The following PTPN2 variants were observed in gnomAD, a reference collection of about 807,000 sequenced individuals.
PTPN2 encodes the protein tyrosine-protein phosphatase non-receptor type 2.
In PTPN2, 19 loss-of-function variants were observed where a neutral mutation model predicts 57.3. The observed-to-expected ratio is 0.33, with a 90% CI of 0.23 to 0.49. The LOEUF (loss-of-function observed/expected upper bound fraction) is 0.49, where lower values mean the gene tolerates loss of function less well. PTPN2 is among the 20% of genes least tolerant of loss of function. The pLI is 0.99. For missense variants in PTPN2, 358 were observed against 501.1 expected, an observed-to-expected ratio of 0.71 and a Z score of 2.73; for synonymous variants, 153 against 164.9, an observed-to-expected ratio of 0.93 and a Z score of 0.55.
intron 2 of PTPN2, among the ~76,000 whole-genome samples, chr18:12,837,894 T>C (rs1415420780): frequency 6.6e-6 from 1 of 152,202 alleles, no homozygotes; most frequent in Non-Finnish European, 1.5e-5. Context: ...CCTCTGTAAA[T>C]ATTACATGTC....
At chr18:12,869,788 T>C (rs921273622) in intron 1 of PTPN2, among the ~76,000 whole-genome samples, 5 of 152,206 alleles carry the variant, frequency 3.3e-5, no homozygotes, top group African/African-American at 9.6e-5. Flanking sequence ...TAAGTTTCTT[T>C]CTTTATACTT....
chr18:12,871,951 G>A (rs1396666089), intron 1 of PTPN2, among the ~76,000 whole-genome samples: 2 of 152,034 alleles, frequency 1.3e-5, no homozygotes, highest in East Asian at 1.9e-4. Context: ...AGGAGGCTGA[G>A]GCAGGAGAAT....
At chr18:12,813,021 T>TAAA (rs35939490) in intron 7 of PTPN2, among the ~76,000 whole-genome samples, 9 of 147,166 alleles carry the variant, frequency 6.1e-5, no homozygotes, top group Admixed American at 1.4e-4. Flanking sequence ...ACACAAAACT[T>TAAA]AAAAAAAAAA....
chr18:12,808,800 C>CA (rs1387613908), intron 7 of PTPN2, among the ~76,000 whole-genome samples: 8 of 151,976 alleles, frequency 5.3e-5, no homozygotes, highest in East Asian at 1.9e-4. Flanking sequence ...AACCAACAGA[C>CA]AAAAAAACAA....
At chr18:12,865,744 T>C (rs1286333098) in intron 1 of PTPN2, among the ~76,000 whole-genome samples, 2 of 151,812 alleles carry the variant, frequency 1.3e-5, no homozygotes, top group Non-Finnish European at 2.9e-5. Flanking sequence ...CGAGAATTGC[T>C]TGAACCCAGG....
At chr18:12,794,789 T>C (rs1407030975) in intron 8 of PTPN2, among the ~76,000 whole-genome samples, 1 of 152,092 alleles carries the variant, frequency 6.6e-6, no homozygotes, top group Non-Finnish European at 1.5e-5. Context: ...GCCCAGCTAA[T>C]TTTTTGTATT....
At chr18:12,813,991 G>A (rs1568101288) in intron 7 of PTPN2, among the ~76,000 whole-genome samples, 2 of 152,038 alleles carry the variant, frequency 1.3e-5, no homozygotes, top group African/African-American at 4.8e-5. Flanking sequence ...TTTCTACAAG[G>A]GCTTTTAAGT....
At chr18:12,867,965 A>G (rs1194989718) in intron 1 of PTPN2, among the ~76,000 whole-genome samples, 1 of 152,172 alleles carries the variant, frequency 6.6e-6, no homozygotes, top group Non-Finnish European at 1.5e-5. Flanking sequence ...GTCTAACAAC[A>G]TATGTTTGGT....
Position 12,793,651 on chromosome 18 carries a change from C to A in PTPN2, c.*627G>T. On this transcript the variant is annotated 3_prime_UTR_variant, in exon 9 of 9. Coordinates refer to ENST00000309660, the MANE Select transcript of PTPN2 (RefSeq NM_002828.4). ...TTCTAACTGCTCATATCAAACTTCT[C>A]TTTAGAAAAATGGAAAATGTATCCA... The A allele has an allele frequency of 1.0e-6, 1 of 983,596 alleles. No homozygotes were observed. The highest frequency in any genetic ancestry group is 1.2e-6 in the Non-Finnish European group (1 of 827,910). The allele number at this position is 983,596 out of a possible 1,614,324, so 60.9% of individuals were successfully genotyped here. A position where few individuals can be genotyped will look rare whatever the true frequency, so the allele number is the denominator to read the frequency against.
At chr18:12,817,482 T>A (rs914870768) in intron 5 of PTPN2, 117 bp from the exon 6 acceptor site, 19 of 755,622 alleles carry the variant, frequency 2.5e-5, no homozygotes, top group Middle Eastern at 2.4e-4. Flanking sequence ...GTTTATACTA[T>A]GATTTTTCCA....
At chr18:12,798,341 G>A (rs2041272680) in intron 8 of PTPN2, among the ~76,000 whole-genome samples, 1 of 152,078 alleles carries the variant, frequency 6.6e-6, no homozygotes, top group Non-Finnish European at 1.5e-5. Context: ...TTGTTGTACA[G>A]ATTATTTCAT....
intron 1 of PTPN2, among the ~76,000 whole-genome samples, chr18:12,873,335 C>G (rs919087784): frequency 6.6e-6 from 1 of 152,232 alleles, no homozygotes; most frequent in South Asian, 2.1e-4. Flanking sequence ...CCTCTGATGC[C>G]GAGCCGAAGC....
chr18:12,840,207 C>G (rs562105056), intron 2 of PTPN2, among the ~76,000 whole-genome samples: 1 of 152,290 alleles, frequency 6.6e-6, no homozygotes, highest in Non-Finnish European at 1.5e-5. Flanking sequence ...TAAGGGTAAT[C>G]AGTACGTTTT....
intron 5 of PTPN2, 24 bp from the exon 6 acceptor site, chr18:12,817,389 A>T (rs1301671761): frequency 6.4e-7 from 1 of 1,574,132 alleles, no homozygotes; most frequent in East Asian, 2.2e-5. Context: ...ATCAAGGGAG[A>T]AGTTAGTTCT....
At chr18:12,859,347 T>C in intron 1 of PTPN2, 93 bp from the exon 2 acceptor site, 1 of 787,608 alleles carries the variant, frequency 1.3e-6, no homozygotes, top group South Asian at 1.6e-5. Context: ...ATGAAGCACT[T>C]ATGATATGCC....
intron 2 of PTPN2, among the ~76,000 whole-genome samples, chr18:12,837,927 G>T (rs558999700): frequency 2.8e-4 from 43 of 152,268 alleles, no homozygotes; most frequent in South Asian, 1.4e-3. Flanking sequence ...GAAAAACTAA[G>T]ATCTTGTTAT....
chr18:12,820,612 C>G (rs2042238489), intron 5 of PTPN2, among the ~76,000 whole-genome samples: 1 of 152,194 alleles, frequency 6.6e-6, no homozygotes, highest in South Asian at 2.1e-4. Flanking sequence ...TGGAAGCACC[C>G]TTTTCTTCTC....
At chr18:12,866,871 G>A (rs144342261) in intron 1 of PTPN2, among the ~76,000 whole-genome samples, 2 of 151,986 alleles carry the variant, frequency 1.3e-5, no homozygotes, top group Non-Finnish European at 2.9e-5. Flanking sequence ...TGGCCATGGT[G>A]GTGGGCACCT....
At chr18:12,863,551 T>TTGG (rs1491255720) in intron 1 of PTPN2, 4 of 113,958 alleles carry the variant, frequency 3.5e-5, no homozygotes, top group African/African-American at 1.4e-4. Context: ...TAATTTTTTT[T>TTGG]GGGGGGGGGG....
Sources: gnomAD v4.1 joint callset for allele counts (sites outside exome capture counted in the v4.1 genomes callset) on GRCh38, gnomAD v4.1.1 for gene constraint, MANE v1.5 for transcripts, NCBI Gene and HGNC (gene_info 2026-07-23, HGNC 2026-07-21) for gene names.